The following LPXN variants were observed in gnomAD, a reference collection of about 807,000 sequenced individuals.
The protein encoded by LPXN is leupaxin.
A neutral mutation model predicts 45.6 loss-of-function variants in LPXN; 28 were observed. The ratio of observed to expected loss-of-function variants is 0.61; its 90% CI spans 0.45 to 0.84. The LOEUF (loss-of-function observed/expected upper bound fraction) is 0.84. LPXN is among the 40% of genes least tolerant of loss of function. LPXN has a pLI of 0.00. For synonymous variants in LPXN, 166 were observed against 169.9 expected (o/e 0.98, Z 0.18); for missense variants, 459 against 475.0 (o/e 0.97, Z 0.31).
chr11:58,564,969 G>T (rs1041686404), intron 2 of LPXN, among the ~76,000 whole-genome samples: 27 of 152,138 alleles, frequency 1.8e-4, no homozygotes, highest in African/African-American at 6.3e-4. Flanking sequence ...AGCATCTGTG[G>T]AACCACGAGA....
upstream of LPXN, chr11:58,577,942 T>G (rs1854954813): frequency 6.6e-7 from 1 of 1,515,884 alleles, no homozygotes; most frequent in South Asian, 1.2e-5. Flanking sequence ...GTGCTAGGGC[T>G]CCGAGGGCCC....
At chr11:58,548,408 A>G (rs1853937814) in intron 7 of LPXN, among the ~76,000 whole-genome samples, 1 of 152,036 alleles carries the variant, frequency 6.6e-6, no homozygotes, top group South Asian at 2.1e-4. Flanking sequence ...TTTCATGTTG[A>G]ATCAGGAGGA....
intron 7 of LPXN, among the ~76,000 whole-genome samples, chr11:58,533,674 A>T (rs1440657714): frequency 6.6e-6 from 1 of 152,240 alleles, no homozygotes; most frequent in Non-Finnish European, 1.5e-5. Context: ...ACATAACAAG[A>T]TTAACCTTAA....
Position 58,527,663 on chromosome 11 carries a change from C to T in LPXN, c.952G>A (p.Glu318Lys). The change falls in exon 9 of 9, where the codon GAG becomes AAG. Residue 318 changes from glutamate (E) to lysine (K), a missense_variant. Glu to Lys is a moderately conservative substitution (Grantham distance 56). Transcript: ENST00000395074. ...CCCCGGCGGTGATGGTAATGGAGCTCACAGAATGGACGTCCATCCAGTTCA... is the reference window on the plus strand; with the variant it reads ...CCCCGGCGGTGATGGTAATGGAGCTTACAGAATGGACGTCCATCCAGTTCA... Reference protein sequence around the residue: ...FFELDGRPFCELHYHHRRGTL... With the variant: ...FFELDGRPFCKLHYHHRRGTL... 6.2e-7 allele frequency: 1 copy of T among 1,614,112 alleles called. No homozygotes were observed. The highest frequency in any genetic ancestry group is 1.1e-5 in the South Asian group (1 of 91,078).
upstream of LPXN, among the ~76,000 whole-genome samples, chr11:58,576,453 CTG>C (rs1222157871): frequency 6.6e-6 from 1 of 152,168 alleles, no homozygotes; most frequent in African/African-American, 2.4e-5. Context: ...AGATGTTAAA[CTG>C]TGTGCATCTC....
At chr11:58,565,403 C>T (rs1332469365) in intron 2 of LPXN, among the ~76,000 whole-genome samples, 2 of 151,860 alleles carry the variant, frequency 1.3e-5, no homozygotes, top group East Asian at 3.9e-4. Flanking sequence ...AGTGGTGTTG[C>T]GTGCCTGTAA....
In LPXN at chr11:58,568,506, G is replaced by T. The variant is rs946780037; in HGVS notation, c.171+2050C>A. Among the ~76,000 whole-genome samples the T allele has an allele frequency of 3.3e-5, 5 of 152,026 alleles. No homozygotes were observed. In the East Asian group the frequency reaches 7.7e-4, roughly 24 times the overall value. On this transcript the variant is annotated intron_variant, in intron 2 of 8. Transcript: ENST00000395074. ...TAGTCCCAGATACTCAGGAGGCTGA[G>T]GCAGGAGAATCACTTGAACCTGGGA...
At chr11:58,577,936 T>G, upstream of LPXN, 1 of 1,495,868 alleles carries the variant, frequency 6.7e-7, no homozygotes, top group Non-Finnish European at 9.0e-7. Flanking sequence ...GGCCTTGTGC[T>G]AGGGCTCCGA....
intron 7 of LPXN, among the ~76,000 whole-genome samples, chr11:58,540,120 G>A (rs975526390): frequency 6.6e-6 from 1 of 151,984 alleles, no homozygotes; most frequent in African/African-American, 2.4e-5. Flanking sequence ...TCATCTCTAG[G>A]TCTAAACTAA....
At chr11:58,576,121 C>A (rs1854881739), upstream of LPXN, among the ~76,000 whole-genome samples, 2 of 151,828 alleles carry the variant, frequency 1.3e-5, no homozygotes, top group African/African-American at 4.8e-5. Flanking sequence ...GAATGGCAGA[C>A]TTATACTTGC....
At chr11:58,557,298 T>C (rs1260673589) in intron 3 of LPXN, among the ~76,000 whole-genome samples, 1 of 152,140 alleles carries the variant, frequency 6.6e-6, no homozygotes, top group Non-Finnish European at 1.5e-5. Context: ...GGAAACAACT[T>C]AAGTGTCCAT....
At chr11:58,560,094 A>C (rs1238484409) in intron 3 of LPXN, among the ~76,000 whole-genome samples, 1 of 152,190 alleles carries the variant, frequency 6.6e-6, no homozygotes, top group African/African-American at 2.4e-5. Context: ...TTTTACGCAC[A>C]TGAGTTTATG....
chr11:58,532,826 A>G (rs1407016147), intron 7 of LPXN, among the ~76,000 whole-genome samples: 3 of 152,198 alleles, frequency 2.0e-5, no homozygotes, highest in Non-Finnish European at 4.4e-5. Flanking sequence ...CCCCTTCCAC[A>G]CTGTAGAAGT....
At chr11:58,576,624 T>C (rs1349869965), upstream of LPXN, among the ~76,000 whole-genome samples, 2 of 152,250 alleles carry the variant, frequency 1.3e-5, no homozygotes, top group African/African-American at 4.8e-5. Context: ...CGTAAGGAAC[T>C]ATAATTATGG....
chr11:58,553,908 T>C (rs1431140003), intron 4 of LPXN: 1 of 152,318 alleles, frequency 6.6e-6, no homozygotes, highest in African/African-American at 2.4e-5. Context: ...TATCTCAATA[T>C]GGGCTTGGGA....
intron 3 of LPXN, among the ~76,000 whole-genome samples, chr11:58,562,208 TTGATATATA>T (rs2120354708): frequency 6.6e-6 from 1 of 152,382 alleles, no homozygotes; most frequent in East Asian, 1.9e-4. Context: ...CATGTTGCTA[TTGATATATA>T]ACTATACTAG....
At chr11:58,572,030 G>A (rs1394122955) in intron 1 of LPXN, among the ~76,000 whole-genome samples, 3 of 152,028 alleles carry the variant, frequency 2.0e-5, no homozygotes, top group African/African-American at 7.2e-5. Flanking sequence ...TACATAACAA[G>A]GCAATTTGAT....
At chr11:58,539,573 C>T (rs1281184820) in intron 7 of LPXN, among the ~76,000 whole-genome samples, 1 of 151,928 alleles carries the variant, frequency 6.6e-6, no homozygotes, top group African/African-American at 2.4e-5. Context: ...CTACCTCTGA[C>T]CTCAGATAAA....
intron 3 of LPXN, among the ~76,000 whole-genome samples, chr11:58,556,778 T>G (rs946758865): frequency 6.6e-6 from 1 of 152,140 alleles, no homozygotes; most frequent in Non-Finnish European, 1.5e-5. Context: ...TAACAAAAGT[T>G]GTAAAATATC....
Sources: gnomAD v4.1 joint callset for allele counts (sites outside exome capture counted in the v4.1 genomes callset) on GRCh38, gnomAD v4.1.1 for gene constraint, MANE v1.5 for transcripts, NCBI Gene and HGNC (gene_info 2026-07-23, HGNC 2026-07-21) for gene names.